The following DOK6 variants were observed in gnomAD, a reference collection of about 807,000 sequenced individuals.
DOK6 encodes the protein docking protein 6.
A neutral mutation model predicts 44.0 loss-of-function variants in DOK6; 22 were observed. The observed-to-expected ratio is 0.50, with a 90% CI of 0.36 to 0.71. The LOEUF (loss-of-function observed/expected upper bound fraction) is 0.71, where lower values mean the gene tolerates loss of function less well. Among genes scored for constraint, DOK6 ranks in the 30% least tolerant of loss-of-function variants. DOK6 has a pLI of 0.00. For synonymous variants in DOK6, 166 were observed against 145.5 expected, an observed-to-expected ratio of 1.14 and a Z score of -1.01; for missense variants, 340 against 416.4, an observed-to-expected ratio of 0.82 and a Z score of 1.60.
At chr18:69,444,640 C>CA (rs1979228476) in intron 1 of DOK6, among the ~76,000 whole-genome samples, 1 of 126,782 alleles carries the variant, frequency 7.9e-6, no homozygotes, top group African/African-American at 3.1e-5. Flanking sequence ...AATATAAAAT[C>CA]AACCTTTTTT....
chr18:69,415,032 A>G (rs573113478), intron 1 of DOK6, among the ~76,000 whole-genome samples: 1 of 152,096 alleles, frequency 6.6e-6, no homozygotes, highest in Non-Finnish European at 1.5e-5. Context: ...TTTCTTAATT[A>G]TGAATTGGGT....
chr18:69,692,488 T>C (rs1986289338), intron 4 of DOK6, among the ~76,000 whole-genome samples: 1 of 152,248 alleles, frequency 6.6e-6, no homozygotes, highest in Admixed American at 6.5e-5. Flanking sequence ...CCATAAATAC[T>C]GGGGTTTTTA....
intron 3 of DOK6, among the ~76,000 whole-genome samples, chr18:69,645,575 T>G (rs1270884517): frequency 6.6e-6 from 1 of 152,122 alleles, no homozygotes; most frequent in African/African-American, 2.4e-5. Context: ...CTAGTAGGAA[T>G]GTAAAATTGT....
At chr18:69,412,704 T>G (rs1307730685) in intron 1 of DOK6, among the ~76,000 whole-genome samples, 1 of 152,170 alleles carries the variant, frequency 6.6e-6, no homozygotes, top group Non-Finnish European at 1.5e-5. Context: ...TGTCATTTCT[T>G]TATTTCAGCC....
intron 1 of DOK6, among the ~76,000 whole-genome samples, chr18:69,513,728 A>T (rs1030772829): frequency 2.6e-5 from 4 of 152,344 alleles, no homozygotes; most frequent in African/African-American, 9.6e-5. Context: ...TATAAAAAAA[A>T]TTTCAGTTAA....
intron 3 of DOK6, among the ~76,000 whole-genome samples, chr18:69,674,623 G>A (rs899987491): frequency 6.6e-6 from 1 of 151,840 alleles, no homozygotes; most frequent in African/African-American, 2.4e-5. Context: ...CACATACAGT[G>A]CTATGCACAC....
At chr18:69,707,688 C>A (rs546660977) in intron 5 of DOK6, among the ~76,000 whole-genome samples, 1 of 152,278 alleles carries the variant, frequency 6.6e-6, no homozygotes, top group African/African-American at 2.4e-5. Flanking sequence ...ACACTCACAT[C>A]AAAAAATAGA....
intron 4 of DOK6, among the ~76,000 whole-genome samples, chr18:69,678,342 C>A (rs960585403): frequency 1.3e-5 from 2 of 152,154 alleles, no homozygotes; most frequent in African/African-American, 4.8e-5. Flanking sequence ...AAGGTACAAC[C>A]CGGGTCTCCT....
At chr18:69,579,486 A>G (rs1983313378) in intron 2 of DOK6, among the ~76,000 whole-genome samples, 1 of 152,068 alleles carries the variant, frequency 6.6e-6, no homozygotes, top group Admixed American at 6.5e-5. Flanking sequence ...ATATTCTCTC[A>G]TGCTGGAAGC....
chr18:69,586,612 C>G (rs999248360), intron 2 of DOK6, among the ~76,000 whole-genome samples: 4 of 152,228 alleles, frequency 2.6e-5, no homozygotes, highest in African/African-American at 9.6e-5. Context: ...TGGCTAGTTT[C>G]CCAGTGGAGA....
chr18:69,654,929 G>A (rs1482813868), intron 3 of DOK6, among the ~76,000 whole-genome samples: 4 of 152,146 alleles, frequency 2.6e-5, no homozygotes, highest in African/African-American at 9.7e-5. Flanking sequence ...ATGGTGGTGT[G>A]CACCTGTAGT....
At chr18:69,654,297 G>A (rs1276417069) in intron 3 of DOK6, among the ~76,000 whole-genome samples, 1 of 152,146 alleles carries the variant, frequency 6.6e-6, no homozygotes, top group Non-Finnish European at 1.5e-5. Flanking sequence ...AATGGAAATT[G>A]GCAGAGAATT....
At chr18:69,659,962 T>A (rs866737295) in intron 3 of DOK6, 1 of 66,846 alleles carries the variant, frequency 1.5e-5, no homozygotes, top group Non-Finnish European at 3.4e-5. Context: ...TATGTATGTT[T>A]TATATATATA....
intron 5 of DOK6, among the ~76,000 whole-genome samples, chr18:69,698,902 T>G (rs192629190): frequency 3.1e-4 from 47 of 152,352 alleles, no homozygotes; most frequent in Non-Finnish European, 5.9e-4. Flanking sequence ...ATACTATATT[T>G]TCGGTGTGCC....
chr18:69,567,427 T>C (rs933658973), intron 2 of DOK6, among the ~76,000 whole-genome samples: 1 of 151,446 alleles, frequency 6.6e-6, no homozygotes, highest in South Asian at 2.1e-4. Flanking sequence ...TTCGGTGATA[T>C]AAAGAAAGAT....
rs753221364 is a variant in DOK6, at chr18:69,549,942, T to C, written c.67-14545T>C. On this transcript the variant is annotated intron_variant, in intron 1 of 7. Transcript: ENST00000382713. ...CTACTATTTCTTAGATAAAGATATA[T>C]TAAATAAGAGTACAACAATAGCTAT... Among the ~76,000 whole-genome samples the C allele has an allele frequency of 2.3e-4, 35 of 150,742 alleles. 3 individuals are homozygous for C. Among genetic ancestry groups the C allele is most frequent in the Non-Finnish European group, 4.6e-4 (31 of 67,474 alleles).
At chr18:69,711,380 A>G (rs1459151773) in intron 5 of DOK6, among the ~76,000 whole-genome samples, 2 of 152,230 alleles carry the variant, frequency 1.3e-5, no homozygotes, top group African/African-American at 4.8e-5. Context: ...TGAAGCTGTG[A>G]TTAAAAACCA....
intron 1 of DOK6, among the ~76,000 whole-genome samples, chr18:69,489,440 T>C (rs946836293): frequency 6.6e-6 from 1 of 152,152 alleles, no homozygotes; most frequent in African/African-American, 2.4e-5. Context: ...TTGCAGTGAT[T>C]TCAAATTAAT....
chr18:69,526,526 T>C (rs1981835396), intron 1 of DOK6, among the ~76,000 whole-genome samples: 1 of 152,216 alleles, frequency 6.6e-6, no homozygotes, highest in African/African-American at 2.4e-5. Flanking sequence ...ACTTTTTGAC[T>C]AGAATGAATG....
Sources: allele counts gnomAD v4.1 joint callset (sites outside exome capture counted in the v4.1 genomes callset), GRCh38; gene constraint gnomAD v4.1.1; transcripts MANE v1.5; gene names NCBI Gene and HGNC (gene_info 2026-07-23, HGNC 2026-07-21).